The following NEK5 variants were observed in gnomAD, a reference collection of about 807,000 sequenced individuals.
NEK5 encodes NIMA related kinase 5.
NEK5 carries 88 observed loss-of-function variants against 109.2 expected under a neutral mutation model. That is an observed-to-expected ratio of 0.81 (90% confidence interval 0.68 to 0.96). The LOEUF is 0.96. Ranked by LOEUF, NEK5 falls within the 40% of genes least tolerant of loss-of-function variation. The pLI is 0.00. For synonymous variants in NEK5, 283 were observed against 299.9 expected, an observed-to-expected ratio of 0.94 and a Z score of 0.58; for missense variants, 834 against 920.7, an observed-to-expected ratio of 0.91 and a Z score of 1.22.
intron 19 of NEK5, among the ~76,000 whole-genome samples, chr13:52,072,762 A>G (rs1954804522): frequency 6.6e-6 from 1 of 152,250 alleles, no homozygotes; most frequent in South Asian, 2.1e-4. Flanking sequence ...AAATGCTAAC[A>G]TGAAAATGTT....
intron 5 of NEK5, 145 bp downstream of exon 5, chr13:52,112,123 A>G (rs1340696205): frequency 2.2e-6 from 1 of 457,700 alleles, no homozygotes; most frequent in Non-Finnish European, 3.9e-6. Flanking sequence ...TCTACCAAGA[A>G]TATTGATCCA....
At chr13:52,100,811 A>G (rs1215256051) in intron 11 of NEK5, among the ~76,000 whole-genome samples, 1 of 152,226 alleles carries the variant, frequency 6.6e-6, no homozygotes, top group African/African-American at 2.4e-5. Flanking sequence ...AACATTCTCA[A>G]TCTAGACTGG....
chr13:52,054,071 G>A (rs568624490), intron 22 of NEK5, among the ~76,000 whole-genome samples: 1 of 152,280 alleles, frequency 6.6e-6, no homozygotes, highest in Admixed American at 6.5e-5. Context: ...TTTAATTCTT[G>A]TAACTTGGGT....
chr13:52,102,710 G>A (rs1451048826), intron 9 of NEK5, among the ~76,000 whole-genome samples: 1 of 152,150 alleles, frequency 6.6e-6, no homozygotes, highest in East Asian at 1.9e-4. Flanking sequence ...AAATAAAAAA[G>A]AAGCACTGTG....
chr13:52,110,677 C>T (rs1311849137), intron 5 of NEK5, 100 bp from the exon 6 acceptor site: 1 of 666,094 alleles, frequency 1.5e-6, no homozygotes, highest in Non-Finnish European at 2.7e-6. Context: ...CACACACACA[C>T]ACACACATAC....
intron 18 of NEK5, 37 bp downstream of exon 18, chr13:52,076,026 A>G (rs1326947102): frequency 2.3e-6 from 3 of 1,326,944 alleles, no homozygotes; most frequent in Non-Finnish European, 3.2e-6. Flanking sequence ...CCAGCCAGCT[A>G]TTTAATATGG....
chr13:52,121,935 CTT>C (rs781057134), intron 3 of NEK5, among the ~76,000 whole-genome samples: 23 of 138,396 alleles, frequency 1.7e-4, no homozygotes, highest in Non-Finnish European at 2.2e-4. Context: ...GTTTTGCTAG[CTT>C]TTTTTTTTTT....
Position 52,034,881 on chromosome 13 carries a change from C to CTTTTTTTTTTTTTTTTTTTTTTT in NEK5, c.*2066_*2067insAAAAAAAAAAAAAAAAAAAAAAA. On this transcript the variant is annotated 3_prime_UTR_variant, in exon 24 of 24. Transcript: ENST00000684899. ...ACCATCCTTAAACATTCTTTTTTTT[C>CTTTTTTTTTTTTTTTTTTTTTTT]TTTTTTTTTTTTTTTTTTGCCCTTA... 1 of 102,564 alleles carries CTTTTTTTTTTTTTTTTTTTTTTT rather than the reference C, an allele frequency of 9.8e-6. No individual in the cohort carries two copies. Among genetic ancestry groups the CTTTTTTTTTTTTTTTTTTTTTTT allele is most frequent in the Non-Finnish European group, 1.9e-5 (1 of 53,132 alleles). 6.4% of individuals were successfully genotyped at this position (102,564 alleles called of 1,614,324 possible). A position where few individuals can be genotyped will look rare whatever the true frequency, so the allele number is the denominator to read the frequency against.
At chr13:52,050,278 G>A in intron 22 of NEK5, 57 bp from the exon 23 acceptor site, 2 of 528,016 alleles carry the variant, frequency 3.8e-6, no homozygotes, top group Non-Finnish European at 2.4e-6. Context: ...CCCAATGAGG[G>A]GCATATACCA....
intron 12 of NEK5, among the ~76,000 whole-genome samples, chr13:52,094,097 C>A (rs536292738): frequency 3.4e-4 from 52 of 152,242 alleles, no homozygotes; most frequent in African/African-American, 1.2e-3. Context: ...ACCATCCCAG[C>A]CCTCACCACC....
intron 21 of NEK5, among the ~76,000 whole-genome samples, chr13:52,063,730 G>T (rs530206966): frequency 5.4e-4 from 81 of 149,198 alleles, no homozygotes; most frequent in African/African-American, 1.7e-3. Context: ...CCGCGACCCC[G>T]TCTGGGAGGT....
chr13:52,074,703 A>G (rs1954836892), intron 19 of NEK5, among the ~76,000 whole-genome samples: 1 of 152,182 alleles, frequency 6.6e-6, no homozygotes, highest in Admixed American at 6.5e-5. Flanking sequence ...CAACCTACAG[A>G]ATAGAAGAAA....
At chr13:52,124,649 A>G (rs1956030762) in intron 3 of NEK5, among the ~76,000 whole-genome samples, 1 of 152,188 alleles carries the variant, frequency 6.6e-6, no homozygotes, top group Non-Finnish European at 1.5e-5. Context: ...CCATGACTTC[A>G]TATATGGATT....
At position 52,034,093 on chromosome 13, in the gene NEK5, A is replaced by C. The variant is rs969853920; in HGVS notation, c.*2855T>G. The C allele has an allele frequency of 5.3e-5, 8 of 152,190 alleles. No individual in the cohort carries two copies. Among genetic ancestry groups the C allele is most frequent in the Non-Finnish European group, 1.2e-4 (8 of 68,042 alleles). The allele number at this position is 152,190 out of a possible 1,614,324, so 9.4% of individuals were successfully genotyped here. A position where few individuals can be genotyped will look rare whatever the true frequency, so the allele number is the denominator to read the frequency against. On this transcript the variant is annotated 3_prime_UTR_variant, in exon 24 of 24. Transcript: ENST00000684899. ...TGTTACTAGACACAGAGGAGGTCAA[A>C]GTGTTGATACACTTATTGCTACCAT...
At chr13:52,117,507 A>G (rs934131970) in intron 4 of NEK5, among the ~76,000 whole-genome samples, 1 of 152,228 alleles carries the variant, frequency 6.6e-6, no homozygotes, top group African/African-American at 2.4e-5. Context: ...GGTTATGTAT[A>G]CTGTAAAAAT....
chr13:52,039,511 G>A (rs1470061639), intron 23 of NEK5, among the ~76,000 whole-genome samples: 2 of 152,140 alleles, frequency 1.3e-5, no homozygotes, highest in Non-Finnish European at 2.9e-5. Context: ...GTTGCTGCTT[G>A]ATAATTGTTT....
At chr13:52,064,416 G>C (rs565007623) in intron 21 of NEK5, among the ~76,000 whole-genome samples, 95 of 141,648 alleles carry the variant, frequency 6.7e-4, no homozygotes, top group African/African-American at 2.0e-3. Context: ...CCAGCCCCCC[G>C]CCCGGCCAGC....
intron 12 of NEK5, among the ~76,000 whole-genome samples, chr13:52,098,223 C>T (rs952437828): frequency 6.6e-6 from 1 of 151,934 alleles, no homozygotes; most frequent in Admixed American, 6.6e-5. Flanking sequence ...AGACATGCCA[C>T]TGCCCTCTAG....
intron 22 of NEK5, among the ~76,000 whole-genome samples, chr13:52,061,196 C>T (rs980228259): frequency 1.3e-5 from 2 of 151,898 alleles, no homozygotes; most frequent in African/African-American, 2.4e-5. Context: ...GAGCACACAG[C>T]GTAGATCTCT....
Sources: gnomAD v4.1 joint callset for allele counts (sites outside exome capture counted in the v4.1 genomes callset) on GRCh38, gnomAD v4.1.1 for gene constraint, MANE v1.5 for transcripts, NCBI Gene and HGNC (gene_info 2026-07-23, HGNC 2026-07-21) for gene names.